The following APBB1 variants were observed in gnomAD, a reference collection of about 807,000 sequenced individuals.
APBB1 encodes the protein adaptor protein FE65a2.
APBB1 carries 22 observed loss-of-function variants against 78.4 expected under a neutral mutation model. The observed-to-expected ratio is 0.28, with a 90% CI of 0.20 to 0.40. APBB1 has a LOEUF of 0.40. Among genes scored for constraint, APBB1 ranks in the 10% least tolerant of loss-of-function variants. The probability of loss-of-function intolerance (pLI) is 1.00; values close to 1 mark genes in which losing one functional copy is unlikely to be tolerated. For missense variants in APBB1, 749 were observed against 932.4 expected, an observed-to-expected ratio of 0.80 and a Z score of 2.56; for synonymous variants, 369 against 372.7, an observed-to-expected ratio of 0.99 and a Z score of 0.12.
At position 6,401,960 on chromosome 11, in the gene APBB1, G is replaced by A. The variant is rs1848539616; in HGVS notation, c.1388+17C>T. On this transcript the variant is annotated intron_variant, in intron 9 of 14. Transcript: ENST00000609360. The surrounding 1 kb of genome is among the most constrained non-coding windows in gnomAD (Gnocchi z 4.5). ...GCATCTGGTCCAGGTGTAGGAGGGGGAAAATAGGCATAGTACCTCTCTCTG... is the reference window on the plus strand; with the variant it reads ...GCATCTGGTCCAGGTGTAGGAGGGGAAAAATAGGCATAGTACCTCTCTCTG... 1.3e-6 allele frequency: 2 copies of A among 1,557,060 alleles called. No individual in the cohort carries two copies. Among genetic ancestry groups the A allele is most frequent in the East Asian group, 4.5e-5 (2 of 44,382 alleles).
chr11:6,402,414 GT>G, intron 7 of APBB1, 161 bp downstream of exon 7: 1 of 1,082,510 alleles, frequency 9.2e-7, no homozygotes, highest in Non-Finnish European at 1.3e-6. Context: ...ATCTCCCAAG[GT>G]CCTGGCCTGG....
At chr11:6,406,859 G>A (rs113255552) in intron 2 of APBB1, among the ~76,000 whole-genome samples, 1,828 of 152,250 alleles carry the variant, frequency 0.012, 30 homozygotes, top group African/African-American at 0.042. Flanking sequence ...AGAGCTCATC[G>A]CACTGATCAT....
intron 12 of APBB1, among the ~76,000 whole-genome samples, chr11:6,399,783 C>CT (rs1348403245): frequency 6.6e-6 from 1 of 152,198 alleles, no homozygotes; most frequent in Non-Finnish European, 1.5e-5. Flanking sequence ...GGTCCCTGAC[C>CT]TGGCAGCCTG....
intron 12 of APBB1, among the ~76,000 whole-genome samples, chr11:6,396,912 G>C (rs1181561008): frequency 2.0e-5 from 3 of 152,190 alleles, no homozygotes; most frequent in Non-Finnish European, 2.9e-5. Flanking sequence ...CAAGATCTTA[G>C]TTCTACTCAA....
Position 6,396,128 on chromosome 11 carries a change from G to A in APBB1, c.1760C>T (p.Pro587Leu). Residue 587 changes from proline to leucine, a missense_variant, in exon 13 of 15, where the codon CCT (proline) becomes CTT (leucine). Physicochemically the swap from Pro to Leu is moderately conservative, Grantham distance 98. Coordinates refer to ENST00000609360, the MANE Select transcript of APBB1 (RefSeq NM_001164.5). ...QWTPSHVSVA[P>L]ATLTILHQQT... ...CTGGTGCAAGATGGTGAGGGTAGCA[G>A]GGGCCACACTGACATGACTTGGGGT... The A allele has an allele frequency of 6.4e-7, 1 of 1,557,268 alleles. No homozygotes were observed. Among genetic ancestry groups the A allele is most frequent in the Non-Finnish European group, 8.7e-7 (1 of 1,150,326 alleles).
intron 1 of APBB1, among the ~76,000 whole-genome samples, chr11:6,414,504 C>A (rs964015551): frequency 6.6e-6 from 1 of 152,122 alleles, no homozygotes; most frequent in Non-Finnish European, 1.5e-5. Flanking sequence ...GACGGATGAA[C>A]GGGACAGACA....
rs376949851 is a variant in APBB1, at chr11:6,401,301, T to G, written c.1588+44A>C. ...TGCCTTTCCTTGGGTCACCCACCTT[T>G]GCCAACAAAGCTGAGCTGGACCTGG... On this transcript the variant is annotated intron_variant, in intron 11 of 14. Transcript: ENST00000609360. This position sits in a 1 kb window ranked among gnomAD's most constrained non-coding sequence, Gnocchi z 4.5. 8 of 1,614,010 alleles carry G rather than the reference T, an allele frequency of 5.0e-6. No individual in the cohort carries two copies. The African/African-American group carries it at 9.3e-5, about 19-fold the overall frequency.
At position 6,395,605 on chromosome 11, in the gene APBB1, T is replaced by A. The variant is rs1244533050; in HGVS notation, c.2062A>T (p.Thr688Ser). Residue 688 changes from threonine to serine, a missense_variant, in exon 15 of 15, where the codon ACT becomes TCT. Around this residue, in one of 3 missense-constraint regions of APBB1, gnomAD observed 96 missense variants for 116.0 expected, o/e 0.83. Transcript: ENST00000609360. The surrounding 1 kb of genome is among the most constrained non-coding windows in gnomAD (Gnocchi z 5.2). Reference sequence around the variant, plus strand: ...AGCGACTGAACACCCCTGCGGACAGTCCACCCTACACGCCGTGCCACAGAC... The same window carrying A: ...AGCGACTGAACACCCCTGCGGACAGACCACCCTACACGCCGTGCCACAGAC... Reference protein sequence around the residue: ...AESVARRVGWTVRRGVQSLWG... With the variant: ...AESVARRVGWSVRRGVQSLWG... 1.3e-6 allele frequency: 2 copies of A among 1,597,310 alleles called. No homozygotes were observed. Among genetic ancestry groups the A allele is most frequent in the Non-Finnish European group, 1.7e-6 (2 of 1,170,562 alleles).
intron 1 of APBB1, among the ~76,000 whole-genome samples, chr11:6,412,906 C>T (rs1261493498): frequency 6.6e-6 from 1 of 152,110 alleles, no homozygotes; most frequent in East Asian, 1.9e-4. Flanking sequence ...AAGGACAGCT[C>T]CCCCTCCAGA....
intron 1 of APBB1, among the ~76,000 whole-genome samples, chr11:6,414,457 G>A (rs548716362): frequency 3.9e-5 from 6 of 152,204 alleles, no homozygotes; most frequent in East Asian, 1.9e-4. Context: ...AGAGTGTGCC[G>A]TGTGCCGACA....
At chr11:6,412,797 T>C (rs984755655) in intron 1 of APBB1, among the ~76,000 whole-genome samples, 6 of 152,286 alleles carry the variant, frequency 3.9e-5, no homozygotes, top group Middle Eastern at 3.4e-3. Context: ...TGGCATCTCC[T>C]CTGCCAGTGT....
intron 1 of APBB1, among the ~76,000 whole-genome samples, chr11:6,413,024 T>C (rs1271475611): frequency 6.6e-6 from 1 of 151,910 alleles, no homozygotes. Flanking sequence ...CTCGGCCCCA[T>C]TCCATCCTCC....
rs1432186601 is a variant in APBB1 at position 6,401,988 on chromosome 11, T to C, written c.1383-6A>G. 5 of 1,573,868 alleles carry C rather than the reference T, an allele frequency of 3.2e-6. No individual in the cohort carries two copies. The African/African-American group carries it at 4.0e-5, about 13-fold the overall frequency. On this transcript the variant is annotated splice_region_variant and splice_polypyrimidine_tract_variant and intron_variant, in intron 8 of 14. Coordinates refer to ENST00000609360, the MANE Select transcript of APBB1 (RefSeq NM_001164.5). This position sits in a 1 kb window ranked among gnomAD's most constrained non-coding sequence, Gnocchi z 4.5. Reference sequence around the variant, plus strand: ...AATAGGCATAGTACCTCTCTCTGGGTCCAGCAGCACAAGAGAGGCAAATAA... The same window carrying C: ...AATAGGCATAGTACCTCTCTCTGGGCCCAGCAGCACAAGAGAGGCAAATAA...
chr11:6,410,238 C>A (rs2634192), intron 2 of APBB1, among the ~76,000 whole-genome samples: 1 of 152,104 alleles, frequency 6.6e-6, no homozygotes, highest in East Asian at 1.9e-4. Context: ...TCTGTGGTCT[C>A]GAGAAAGCTA....
At chr11:6,399,709 C>T (rs914998208) in intron 12 of APBB1, among the ~76,000 whole-genome samples, 1 of 152,192 alleles carries the variant, frequency 6.6e-6, no homozygotes. Context: ...AGTGCACTCT[C>T]GGAGACTTCA....
intron 7 of APBB1, 119 bp downstream of exon 7, chr11:6,402,457 T>C: frequency 8.0e-7 from 1 of 1,248,036 alleles, no homozygotes; most frequent in Non-Finnish European, 1.1e-6. Context: ...GGCTGCCACT[T>C]AGGATGGGCC....
intron 1 of APBB1, among the ~76,000 whole-genome samples, chr11:6,417,636 A>T (rs1288327974): frequency 6.6e-6 from 1 of 152,206 alleles, no homozygotes; most frequent in Admixed American, 6.5e-5. Context: ...ATGCTATTAA[A>T]GTAGTCAAGG....
chr11:6,398,682 G>C (rs1447222419), intron 12 of APBB1, among the ~76,000 whole-genome samples: 1 of 152,202 alleles, frequency 6.6e-6, no homozygotes, highest in Admixed American at 6.5e-5. Flanking sequence ...GGGTCAGCAT[G>C]CTTTTCTCAC....
In APBB1 at chr11:6,410,780, G is replaced by A. The variant is rs762544684; in HGVS notation, c.568C>T (p.Pro190Ser). 6.2e-7 allele frequency: 1 copy of A among 1,605,490 alleles called. No individual in the cohort carries two copies. The highest frequency in any genetic ancestry group is 1.1e-5 in the South Asian group (1 of 90,172). ...PEPLESVEAPPRPQALTDGPR... is the reference protein window; with the variant it reads ...PEPLESVEAPSRPQALTDGPR... ...CCATCTGTAAGGGCTTGGGGCCTGG[G>A]AGGGGCCTCCACACTCTCCAGGGGC... The change falls in exon 2 of 15, where the codon CCC becomes TCC. Residue 190 changes from proline to serine, a missense_variant. Transcript: ENST00000609360.
Sources: gnomAD v4.1 joint callset for allele counts (sites outside exome capture counted in the v4.1 genomes callset) on GRCh38, gnomAD v4.1.1 for gene constraint, gnomAD v4.1.1 regional missense constraint, Gnocchi (gnomAD v3.1) non-coding constraint, MANE v1.5 for transcripts, NCBI Gene and HGNC (gene_info 2026-07-23, HGNC 2026-07-21) for gene names.